Variants in RFTN2 observed in about 807,000 individuals in gnomAD.
RFTN2 encodes raftlin family member 2.
RFTN2 carries 34 observed loss-of-function variants against 52.7 expected under a neutral mutation model. That is an observed-to-expected ratio of 0.64 (90% CI 0.49 to 0.86). The LOEUF (loss-of-function observed/expected upper bound fraction) is 0.86. Ranked by LOEUF, RFTN2 falls within the 40% of genes least tolerant of loss-of-function variation. RFTN2 has a pLI of 0.00. For missense variants in RFTN2, 536 were observed against 600.1 expected (o/e 0.89, Z 1.12); for synonymous variants, 203 against 217.7 (o/e 0.93, Z 0.59).
At chr2:197,575,664 C>A (rs555691382) in intron 8 of RFTN2, among the ~76,000 whole-genome samples, 1 of 147,992 alleles carries the variant, frequency 6.8e-6, no homozygotes, top group East Asian at 2.0e-4. Flanking sequence ...ACTCAGGAGG[C>A]TGAAATGGGA....
At chr2:197,659,725 G>A (rs1214286987) in intron 1 of RFTN2, among the ~76,000 whole-genome samples, 2 of 152,020 alleles carry the variant, frequency 1.3e-5, no homozygotes, top group African/African-American at 2.4e-5. Context: ...GCTGAGGCAG[G>A]AGAATTGCTT....
chr2:197,634,216 A>G (rs781266783), intron 3 of RFTN2, among the ~76,000 whole-genome samples: 10 of 152,110 alleles, frequency 6.6e-5, no homozygotes, highest in Non-Finnish European at 1.2e-4. Flanking sequence ...AACCAAATAT[A>G]CTTTAGAAAT....
chr2:197,612,764 CTT>C (rs2088083887), intron 7 of RFTN2, among the ~76,000 whole-genome samples: 1 of 152,166 alleles, frequency 6.6e-6, no homozygotes, highest in Non-Finnish European at 1.5e-5. Flanking sequence ...GAAGCAACAA[CTT>C]TAACCTAGGG....
At chr2:197,599,869 T>C (rs1030564651) in intron 7 of RFTN2, among the ~76,000 whole-genome samples, 4 of 152,096 alleles carry the variant, frequency 2.6e-5, no homozygotes, top group African/African-American at 4.8e-5. Flanking sequence ...TATATTTTAT[T>C]TTTTTTGAGG....
At chr2:197,589,577 AT>A (rs752287811) in intron 8 of RFTN2, among the ~76,000 whole-genome samples, 108 of 152,302 alleles carry the variant, frequency 7.1e-4, no homozygotes, top group Non-Finnish European at 8.1e-4. Flanking sequence ...ATGATATCTC[AT>A]TATGAGTTTT....
At chr2:197,658,031 A>G (rs990139891) in intron 1 of RFTN2, among the ~76,000 whole-genome samples, 12 of 152,162 alleles carry the variant, frequency 7.9e-5, no homozygotes, top group African/African-American at 2.4e-4. Flanking sequence ...AGAGCTCACC[A>G]GAGTGAATAA....
chr2:197,625,828 G>A (rs898601455), intron 5 of RFTN2, among the ~76,000 whole-genome samples: 1 of 149,996 alleles, frequency 6.7e-6, no homozygotes, highest in Non-Finnish European at 1.5e-5. Context: ...TGCCCAGGCT[G>A]CACTGCCCAG....
chr2:197,611,492 T>G lies in RFTN2; in HGVS notation c.1154+4384A>C, dbSNP rs2088061194. On this transcript the variant is annotated intron_variant, in intron 7 of 8. Coordinates refer to ENST00000295049, the MANE Select transcript of RFTN2 (RefSeq NM_144629.3). Reference sequence around the variant, plus strand: ...ATCATTTTTATTGCGTCTATTTGATTCTTCTCTCTTTTCTTCTTTATTAGT... The same window carrying G: ...ATCATTTTTATTGCGTCTATTTGATGCTTCTCTCTTTTCTTCTTTATTAGT... 5.3e-5 allele frequency among the ~76,000 whole-genome samples: 8 copies of G among 152,190 alleles called. No homozygotes were observed. In the South Asian group the frequency reaches 1.7e-3, roughly 32 times the overall value.
At chr2:197,598,034 G>T (rs996905243) in intron 7 of RFTN2, among the ~76,000 whole-genome samples, 1 of 152,212 alleles carries the variant, frequency 6.6e-6, no homozygotes, top group Non-Finnish European at 1.5e-5. Flanking sequence ...TCAAGGGACA[G>T]CAGGACATGG....
intron 1 of RFTN2, among the ~76,000 whole-genome samples, chr2:197,669,637 G>A (rs899644702): frequency 3.3e-5 from 5 of 152,066 alleles, no homozygotes; most frequent in South Asian, 2.1e-4. Flanking sequence ...TCCCTTGCAC[G>A]CGCAGTTCAC....
chr2:197,605,452 T>C (rs554046700), intron 7 of RFTN2, among the ~76,000 whole-genome samples: 140 of 152,162 alleles, frequency 9.2e-4, no homozygotes, highest in Non-Finnish European at 1.7e-3. Context: ...CCTGACCTCA[T>C]GATCCGCCCG....
chr2:197,601,522 C>G (rs2087880963), intron 7 of RFTN2, among the ~76,000 whole-genome samples: 2 of 151,850 alleles, frequency 1.3e-5, no homozygotes, highest in South Asian at 2.1e-4. Context: ...TGTCTTGGGT[C>G]TCCTCTAGTT....
At chr2:197,640,993 T>A (rs942155705) in intron 3 of RFTN2, among the ~76,000 whole-genome samples, 4 of 152,246 alleles carry the variant, frequency 2.6e-5, no homozygotes, top group Non-Finnish European at 5.9e-5. Flanking sequence ...AGGTGCTCTA[T>A]AAGTACTTGT....
intron 3 of RFTN2, among the ~76,000 whole-genome samples, chr2:197,639,107 C>T (rs1409501080): frequency 1.3e-4 from 18 of 143,274 alleles, no homozygotes; most frequent in South Asian, 4.9e-4. Flanking sequence ...GCCGAGAGAT[C>T]CGCTGTTAGT....
chr2:197,604,054 T>C lies in RFTN2; in HGVS notation c.1155-7985A>G, dbSNP rs145226019. 2.2e-4 allele frequency among the ~76,000 whole-genome samples: 33 copies of C among 152,244 alleles called. 1 individual carries two copies. The highest frequency in any genetic ancestry group is 7.7e-4 in the African/African-American group (32 of 41,546). On this transcript the variant is annotated intron_variant, in intron 7 of 8. Coordinates refer to ENST00000295049, the MANE Select transcript of RFTN2 (RefSeq NM_144629.3). ...AAATGTGCTCAATCTCAGCAAGTAATTAGGAAACTACAAATGAAAGTCACA... is the reference window on the plus strand; with the variant it reads ...AAATGTGCTCAATCTCAGCAAGTAACTAGGAAACTACAAATGAAAGTCACA...
chr2:197,580,316 C>CA (rs1291304531), intron 8 of RFTN2, among the ~76,000 whole-genome samples: 1 of 152,238 alleles, frequency 6.6e-6, no homozygotes, highest in Non-Finnish European at 1.5e-5. Context: ...CTCCAGCACA[C>CA]AGGAATTTCA....
At chr2:197,627,866 C>T (rs1418166054) in intron 5 of RFTN2, among the ~76,000 whole-genome samples, 1 of 149,714 alleles carries the variant, frequency 6.7e-6, no homozygotes, top group African/African-American at 2.5e-5. Context: ...TTTTGAACAT[C>T]TGTCCCCCGC....
intron 8 of RFTN2, among the ~76,000 whole-genome samples, chr2:197,575,811 A>G (rs974729523): frequency 8.3e-6 from 1 of 120,704 alleles, no homozygotes; most frequent in Admixed American, 9.5e-5. Context: ...TTTTATATAC[A>G]TAATATATAT....
chr2:197,608,984 T>G (rs908431931), intron 7 of RFTN2, among the ~76,000 whole-genome samples: 11 of 152,348 alleles, frequency 7.2e-5, no homozygotes, highest in Middle Eastern at 3.4e-3. Context: ...TATGGCTGCA[T>G]AGCATTGCAT....
Sources: gnomAD v4.1 joint callset for allele counts (sites outside exome capture counted in the v4.1 genomes callset) on GRCh38, gnomAD v4.1.1 for gene constraint, MANE v1.5 for transcripts, NCBI Gene and HGNC (gene_info 2026-07-23, HGNC 2026-07-21) for gene names.